The following MTDH variants were observed in gnomAD, a reference collection of about 807,000 sequenced individuals.
MTDH encodes metadherin.
Under a neutral mutation model 72.7 loss-of-function variants are expected in MTDH, and 34 were observed. The observed-to-expected ratio is 0.47, with a 90% CI of 0.36 to 0.62. The LOEUF is 0.62. MTDH is among the 20% of genes least tolerant of loss of function. The pLI is 0.00. For synonymous variants in MTDH, 266 were observed against 268.9 expected (o/e 0.99, Z 0.10); for missense variants, 677 against 699.4 (o/e 0.97, Z 0.36).
intron 10 of MTDH, 124 bp downstream of exon 10, chr8:97,719,313 T>A: frequency 1.1e-6 from 1 of 910,340 alleles, no homozygotes; most frequent in Non-Finnish European, 1.6e-6. Flanking sequence ...GCCAACATAG[T>A]GAAACCCCGT....
intron 2 of MTDH, among the ~76,000 whole-genome samples, chr8:97,686,122 A>G (rs1246096242): frequency 2.0e-5 from 3 of 152,260 alleles, no homozygotes; most frequent in East Asian, 3.8e-4. Flanking sequence ...AATTTGTTAT[A>G]CATAGGATAC....
intron 2 of MTDH, among the ~76,000 whole-genome samples, chr8:97,677,727 A>G (rs1434185174): frequency 1.3e-5 from 2 of 152,174 alleles, no homozygotes; most frequent in Non-Finnish European, 2.9e-5. Context: ...AATTTTAGCT[A>G]ATGGTATTCT....
chr8:97,668,203 C>T (rs1055144158), intron 2 of MTDH, among the ~76,000 whole-genome samples: 1 of 152,046 alleles, frequency 6.6e-6, no homozygotes, highest in Admixed American at 6.6e-5. Context: ...AGGAGAATGG[C>T]ATGAACCCGG....
In MTDH at chr8:97,644,442, T is replaced by G. The variant is rs927507669; in HGVS notation, c.-65T>G. The stretch of plus-strand genomic sequence containing the variant: ...CCGGCCCGGCCCTTCCTCGCTTCCC[T>G]CGACTATTCCACTGCGTCTCCGCGC... On this transcript the variant is annotated 5_prime_UTR_variant, in exon 1 of 12. Coordinates refer to ENST00000336273, the MANE Select transcript of MTDH (RefSeq NM_178812.4). 2.2e-5 allele frequency: 33 copies of G among 1,507,366 alleles called. No individual in the cohort carries two copies. The highest frequency in any genetic ancestry group is 7.0e-6 in the Non-Finnish European group (8 of 1,136,712). The allele number at this position is 1,507,366 out of a possible 1,614,324, so 93.4% of individuals were successfully genotyped here.
At chr8:97,674,186 A>G (rs1009955902) in intron 2 of MTDH, among the ~76,000 whole-genome samples, 2 of 152,070 alleles carry the variant, frequency 1.3e-5, no homozygotes, top group African/African-American at 4.8e-5. Context: ...AAAATCAAGC[A>G]CGGTAAGGAG....
At chr8:97,674,774 C>G (rs577956916) in intron 2 of MTDH, among the ~76,000 whole-genome samples, 7 of 152,098 alleles carry the variant, frequency 4.6e-5, no homozygotes, top group African/African-American at 1.7e-4. Context: ...AGTCAGTAGT[C>G]TGCAGACCAA....
In MTDH at chr8:97,729,990, C is replaced by G. The variant is rs1012722164; in HGVS notation, c.*5320C>G. ...TTACTATTGTTCTGGTCTAAGTACT[C>G]TAACAGGACGATGATTTCTAACCCT... On this transcript the variant is annotated 3_prime_UTR_variant, in exon 12 of 12. Coordinates refer to ENST00000336273, the MANE Select transcript of MTDH (RefSeq NM_178812.4). 6.6e-6 allele frequency among the ~76,000 whole-genome samples: 1 copy of G among 152,194 alleles called. No homozygotes were observed. Among genetic ancestry groups the G allele is most frequent in the African/African-American group, 2.4e-5 (1 of 41,454 alleles).
intron 2 of MTDH, among the ~76,000 whole-genome samples, chr8:97,663,515 G>A (rs1250167247): frequency 2.0e-5 from 3 of 152,012 alleles, no homozygotes; most frequent in Non-Finnish European, 4.4e-5. Flanking sequence ...TTGGGAGGCC[G>A]AGGCGGGCAG....
At chr8:97,697,806 A>G (rs1029040618) in intron 6 of MTDH, among the ~76,000 whole-genome samples, 1 of 152,172 alleles carries the variant, frequency 6.6e-6, no homozygotes, top group South Asian at 2.1e-4. Flanking sequence ...CTCATAGACT[A>G]CATTTCATTT....
Position 97,691,125 on chromosome 8 carries a change from G to A in MTDH, c.985G>A (p.Ala329Thr). The change falls in exon 6 of 12, where the codon GCT becomes ACT. Residue 329 changes from alanine to threonine, a missense_variant. Ala to Thr is a moderately conservative substitution (Grantham distance 58). Coordinates refer to ENST00000336273, the MANE Select transcript of MTDH (RefSeq NM_178812.4). ...PSAWSQDTGD[A>T]NTNGKDWGRS... ...TGCCTGGAGTCAAGACACTGGAGAT[G>A]CTAATACAAATGGAAAAGACTGGGG... 1 of 1,614,068 alleles carries A rather than the reference G, an allele frequency of 6.2e-7. No homozygotes were observed. Among genetic ancestry groups the A allele is most frequent in the East Asian group, 2.2e-5 (1 of 44,868 alleles).
intron 10 of MTDH, among the ~76,000 whole-genome samples, chr8:97,720,438 G>A (rs1815069081): frequency 6.6e-6 from 1 of 151,794 alleles, no homozygotes; most frequent in Non-Finnish European, 1.5e-5. Context: ...TTAGCTGGGT[G>A]TAGTGGTGTG....
intron 2 of MTDH, among the ~76,000 whole-genome samples, chr8:97,671,506 TG>T (rs1316890250): frequency 6.6e-6 from 1 of 152,174 alleles, no homozygotes; most frequent in Non-Finnish European, 1.5e-5. Context: ...ATGATTATTT[TG>T]TTATAAATTA....
At chr8:97,645,213 G>A (rs1440664622) in intron 1 of MTDH, among the ~76,000 whole-genome samples, 1 of 152,202 alleles carries the variant, frequency 6.6e-6, no homozygotes, top group Non-Finnish European at 1.5e-5. Flanking sequence ...CTTCCTTGAG[G>A]CCTGCAGAGT....
At chr8:97,720,107 A>G (rs1426427167) in intron 10 of MTDH, among the ~76,000 whole-genome samples, 3 of 152,052 alleles carry the variant, frequency 2.0e-5, no homozygotes, top group Non-Finnish European at 2.9e-5. Context: ...CAAGATGGTG[A>G]AACCCTGTCT....
At chr8:97,706,122 T>A (rs1016001038) in intron 7 of MTDH, among the ~76,000 whole-genome samples, 1 of 152,198 alleles carries the variant, frequency 6.6e-6, no homozygotes, top group African/African-American at 2.4e-5. Flanking sequence ...AGAGGTTGAA[T>A]ATTGTCATGA....
intron 7 of MTDH, among the ~76,000 whole-genome samples, chr8:97,704,865 G>A (rs1814283680): frequency 6.6e-6 from 1 of 152,114 alleles, no homozygotes; most frequent in Non-Finnish European, 1.5e-5. Context: ...AAGTAAATAG[G>A]AGTACTAAAT....
chr8:97,686,667 G>T lies in MTDH; in HGVS notation c.484-1G>T. The T allele has an allele frequency of 6.5e-7, 1 of 1,545,238 alleles. No homozygotes were observed. Among genetic ancestry groups the T allele is most frequent in the Non-Finnish European group, 8.7e-7 (1 of 1,144,152 alleles). ...TAAGTAACATTCTATTTTACTTTCAGTCAAAGAAAAATAAGAAGAAATCAA... is the reference window on the plus strand; with the variant it reads ...TAAGTAACATTCTATTTTACTTTCATTCAAAGAAAAATAAGAAGAAATCAA... On this transcript the variant is annotated splice_acceptor_variant, in intron 2 of 11. Transcript: ENST00000336273. LOFTEE classifies it high-confidence loss of function.
At chr8:97,695,245 C>G (rs886798034) in intron 6 of MTDH, among the ~76,000 whole-genome samples, 1 of 151,850 alleles carries the variant, frequency 6.6e-6, no homozygotes. Flanking sequence ...TCCTGAGTAG[C>G]TGGGATTACA....
intron 1 of MTDH, among the ~76,000 whole-genome samples, chr8:97,652,086 C>T (rs1811794686): frequency 6.6e-6 from 1 of 152,198 alleles, no homozygotes. Context: ...TAACCTGCAG[C>T]AGTAGCCTTC....
Sources: gnomAD v4.1 joint callset for allele counts (sites outside exome capture counted in the v4.1 genomes callset) on GRCh38, gnomAD v4.1.1 for gene constraint, MANE v1.5 for transcripts, NCBI Gene and HGNC (gene_info 2026-07-23, HGNC 2026-07-21) for gene names.